KLHL29: variants seen among roughly 807,000 people sequenced by gnomAD.
KLHL29 encodes the protein kelch-like protein 29.
A neutral mutation model predicts 80.4 loss-of-function variants in KLHL29; 21 were observed. The observed-to-expected ratio is 0.26, with a 90% confidence interval of 0.19 to 0.38. KLHL29 has a LOEUF of 0.38. Ranked by LOEUF, KLHL29 falls within the 10% of genes least tolerant of loss-of-function variation. The pLI is 1.00. For missense variants in KLHL29, 867 were observed against 1,223.9 expected (o/e 0.71, Z 4.35); for synonymous variants, 511 against 526.8 (o/e 0.97, Z 0.41).
intron 5 of KLHL29, among the ~76,000 whole-genome samples, chr2:23,658,344 C>T (rs1197531014): frequency 6.6e-6 from 1 of 152,162 alleles, no homozygotes; most frequent in African/African-American, 2.4e-5. Context: ...CCCGTCAGCA[C>T]AGGCTGCTAA....
intron 5 of KLHL29, among the ~76,000 whole-genome samples, chr2:23,675,288 G>A (rs1670889588): frequency 6.6e-6 from 1 of 152,126 alleles, no homozygotes; most frequent in Non-Finnish European, 1.5e-5. Flanking sequence ...TACTCCAGCT[G>A]CAGCCATGGA....
intron 3 of KLHL29, among the ~76,000 whole-genome samples, chr2:23,598,167 A>G (rs1456483258): frequency 6.6e-6 from 1 of 152,232 alleles, no homozygotes; most frequent in Non-Finnish European, 1.5e-5. Context: ...CATTTATTAA[A>G]TCTTTACTAC....
At chr2:23,447,549 A>G (rs929226636) in intron 1 of KLHL29, among the ~76,000 whole-genome samples, 16 of 152,146 alleles carry the variant, frequency 1.1e-4, no homozygotes, top group Non-Finnish European at 2.4e-4. Flanking sequence ...CTGCATCACA[A>G]ATCAGTCTGC....
chr2:23,652,821 C>T (rs961350631), intron 5 of KLHL29, among the ~76,000 whole-genome samples: 2 of 152,200 alleles, frequency 1.3e-5, no homozygotes, highest in Non-Finnish European at 1.5e-5. Context: ...GCTGTCCACT[C>T]GGCTGATTTC....
At chr2:23,569,782 C>T (rs977171903) in intron 3 of KLHL29, among the ~76,000 whole-genome samples, 4 of 152,174 alleles carry the variant, frequency 2.6e-5, no homozygotes, top group Non-Finnish European at 5.9e-5. Flanking sequence ...CATTTATCTA[C>T]CATCAGCCCC....
chr2:23,631,570 G>A (rs1572452202), intron 3 of KLHL29, among the ~76,000 whole-genome samples: 1 of 152,364 alleles, frequency 6.6e-6, no homozygotes, highest in East Asian at 1.9e-4. Context: ...CTGGGGCCAG[G>A]GGGCCAGAGA....
intron 1 of KLHL29, among the ~76,000 whole-genome samples, chr2:23,390,263 T>G (rs1439502173): frequency 6.6e-6 from 1 of 152,170 alleles, no homozygotes; most frequent in Non-Finnish European, 1.5e-5. Context: ...GAGTTCTCAT[T>G]TTCTGTGCGA....
intron 3 of KLHL29, among the ~76,000 whole-genome samples, chr2:23,574,624 A>ACAGT (rs1667798259): frequency 6.6e-6 from 1 of 152,170 alleles, no homozygotes; most frequent in African/African-American, 2.4e-5. Context: ...AATAGTGGTG[A>ACAGT]CAGTCACATG....
At chr2:23,571,157 G>A (rs538702288) in intron 3 of KLHL29, among the ~76,000 whole-genome samples, 1 of 152,346 alleles carries the variant, frequency 6.6e-6, no homozygotes, top group African/African-American at 2.4e-5. Context: ...CCAGTTGAGG[G>A]CCAGACTGAT....
At chr2:23,627,832 C>G (rs1485361440) in intron 3 of KLHL29, among the ~76,000 whole-genome samples, 1 of 151,762 alleles carries the variant, frequency 6.6e-6, no homozygotes, top group Non-Finnish European at 1.5e-5. Context: ...GTTCCCTTTT[C>G]CCAGTGAGTC....
chr2:23,509,257 A>T (rs1293477884), intron 2 of KLHL29, among the ~76,000 whole-genome samples: 1 of 152,080 alleles, frequency 6.6e-6, no homozygotes, highest in South Asian at 2.1e-4. Context: ...AAGGACTCTC[A>T]TCTCTTATGA....
intron 5 of KLHL29, among the ~76,000 whole-genome samples, chr2:23,671,189 T>C (rs1472384467): frequency 6.6e-6 from 1 of 151,776 alleles, no homozygotes; most frequent in East Asian, 1.9e-4. Context: ...TTCTTGCAAA[T>C]CCTTTAAAAC....
Position 23,573,094 on chromosome 2 carries a change from T to G in KLHL29, c.285+10613T>G, listed in dbSNP as rs558052733. On this transcript the variant is annotated intron_variant, in intron 3 of 13. Coordinates refer to ENST00000486442, the MANE Select transcript of KLHL29 (RefSeq NM_052920.2). ...GTTCGTAGTTGGGCCTGAGCCCGGA[T>G]GATGAAGCTGTGTCGGGGGCGCAGA... Among the ~76,000 whole-genome samples the G allele has an allele frequency of 3.9e-5, 6 of 152,310 alleles. No homozygotes were observed. The South Asian group carries it at 1.2e-3, about 32-fold the overall frequency.
At chr2:23,579,262 C>T (rs1363791669) in intron 3 of KLHL29, among the ~76,000 whole-genome samples, 2 of 152,232 alleles carry the variant, frequency 1.3e-5, no homozygotes, top group African/African-American at 4.8e-5. Flanking sequence ...GCTCAATGCG[C>T]TAGCTCATAC....
At chr2:23,417,913 CT>C (rs1188550074) in intron 1 of KLHL29, among the ~76,000 whole-genome samples, 1 of 152,120 alleles carries the variant, frequency 6.6e-6, no homozygotes, top group Admixed American at 6.5e-5. Flanking sequence ...GGGTCTCTTT[CT>C]TTTTGGTGCC....
At chr2:23,388,187 A>G (rs1453130187) in intron 1 of KLHL29, among the ~76,000 whole-genome samples, 1 of 152,190 alleles carries the variant, frequency 6.6e-6, no homozygotes, top group Non-Finnish European at 1.5e-5. Flanking sequence ...TACTTCAAGT[A>G]CTCAGTGTGG....
chr2:23,493,627 G>T (rs1665169320), intron 2 of KLHL29, among the ~76,000 whole-genome samples: 1 of 152,034 alleles, frequency 6.6e-6, no homozygotes, highest in Non-Finnish European at 1.5e-5. Context: ...TGGGAGCGGG[G>T]TGGGCGTGTG....
intron 3 of KLHL29, among the ~76,000 whole-genome samples, chr2:23,601,568 T>C (rs1668573443): frequency 6.6e-6 from 1 of 152,160 alleles, no homozygotes; most frequent in Admixed American, 6.5e-5. Context: ...CCAGGGTCTG[T>C]GAGAGCTTAG....
intron 5 of KLHL29, among the ~76,000 whole-genome samples, chr2:23,658,222 T>TCCA (rs992116386): frequency 6.6e-6 from 1 of 151,978 alleles, no homozygotes; most frequent in Non-Finnish European, 1.5e-5. Context: ...GGTGGGGGCC[T>TCCA]CCACCTTGCG....
Sources: allele counts gnomAD v4.1 joint callset (sites outside exome capture counted in the v4.1 genomes callset), GRCh38; gene constraint gnomAD v4.1.1; transcripts MANE v1.5; gene names NCBI Gene and HGNC (gene_info 2026-07-23, HGNC 2026-07-21).